The following CEP152 variants were observed in gnomAD, a reference collection of about 807,000 sequenced individuals.
CEP152 encodes the protein centrosomal protein of 152 kDa.
In CEP152, 132 loss-of-function variants were observed where a neutral mutation model predicts 188.9. The ratio of observed to expected loss-of-function variants is 0.70; its 90% CI spans 0.61 to 0.81. The LOEUF is 0.81. Among genes scored for constraint, CEP152 ranks in the 30% least tolerant of loss-of-function variants. The probability of loss-of-function intolerance (pLI) is 0.00; values close to 1 mark genes in which losing one functional copy is unlikely to be tolerated. For synonymous variants in CEP152, 649 were observed against 666.6 expected (o/e 0.97, Z 0.41); for missense variants, 1,914 against 1,969.8 (o/e 0.97, Z 0.54).
At chr15:48,790,863 C>T (rs762309742) in intron 8 of CEP152, among the ~76,000 whole-genome samples, 27 of 152,140 alleles carry the variant, frequency 1.8e-4, no homozygotes, top group Non-Finnish European at 3.2e-4. Context: ...CCACTGCATC[C>T]GGCCATCACT....
At chr15:48,790,733 A>C (rs140245081) in intron 8 of CEP152, among the ~76,000 whole-genome samples, 2,791 of 152,242 alleles carry the variant, frequency 0.018, 35 homozygotes, top group Admixed American at 0.033. Flanking sequence ...CGCCCAGCTA[A>C]TTTTTGTACT....
rs1334610174 is a variant in CEP152, at chr15:48,739,010, T to C, written c.4372A>G (p.Arg1458Gly). The change falls in exon 27 of 27, where the codon AGG becomes GGG. Residue 1458 changes from arginine to glycine, a missense_variant. Coordinates refer to ENST00000380950, the MANE Select transcript of CEP152 (RefSeq NM_001194998.2). ...GSCKHLNSLP[R>G]NVSPEFVPCE... is the part of the protein sequence containing the mutation. Reference sequence around the variant, plus strand: ...GGAACAAACTCAGGAGAAACATTCCTTGGCAAACTGTTTAGGTGCTTGCAA... The same window carrying C: ...GGAACAAACTCAGGAGAAACATTCCCTGGCAAACTGTTTAGGTGCTTGCAA... The C allele has an allele frequency of 6.2e-7, 1 of 1,614,034 alleles. No individual in the cohort carries two copies.
chr15:48,730,092 G>A (rs1348088056), intron 2 of CEP152, among the ~76,000 whole-genome samples: 2 of 152,072 alleles, frequency 1.3e-5, no homozygotes, highest in Non-Finnish European at 2.9e-5. Context: ...CCAAAATTGA[G>A]AAGCTGCTGA....
intron 6 of CEP152, among the ~76,000 whole-genome samples, chr15:48,793,803 A>C (rs1897132860): frequency 6.6e-6 from 1 of 152,222 alleles, no homozygotes; most frequent in Non-Finnish European, 1.5e-5. Context: ...CTGAATCACT[A>C]ACTACCATTT....
chr15:48,784,452 C>T (rs924019743), intron 9 of CEP152, among the ~76,000 whole-genome samples: 5 of 152,140 alleles, frequency 3.3e-5, no homozygotes, highest in African/African-American at 9.7e-5. Flanking sequence ...CATTCCTATG[C>T]GTATTTTATA....
intron 26 of CEP152, chr15:48,740,847 A>G (rs1892913574): frequency 5.8e-6 from 1 of 173,416 alleles, no homozygotes; most frequent in Non-Finnish European, 1.1e-5. Flanking sequence ...TGCCCAGCTC[A>G]ATATTGAGGT....
At chr15:48,782,310 A>C in intron 10 of CEP152, 80 bp from the exon 11 acceptor site, 1 of 1,192,436 alleles carries the variant, frequency 8.4e-7, no homozygotes, top group Non-Finnish European at 1.2e-6. Context: ...ACTTGAATCC[A>C]CTGAGGCTAC....
chr15:48,782,838 A>G (rs993570446), intron 10 of CEP152, among the ~76,000 whole-genome samples: 3 of 152,224 alleles, frequency 2.0e-5, no homozygotes, highest in African/African-American at 7.2e-5. Flanking sequence ...ATGATGGCAT[A>G]AAGAAAATAA....
At chr15:48,788,365 G>T (rs1020376049) in intron 9 of CEP152, among the ~76,000 whole-genome samples, 2 of 122,868 alleles carry the variant, frequency 1.6e-5, no homozygotes, top group Non-Finnish European at 3.1e-5. Context: ...ACGGAGTCTC[G>T]CTCTGTCGCC....
intron 11 of CEP152, 52 bp from the exon 12 acceptor site, chr15:48,781,411 A>C: frequency 6.9e-7 from 1 of 1,452,072 alleles, no homozygotes; most frequent in Non-Finnish European, 9.6e-7. Context: ...TATATGAAGT[A>C]ATCAGTCATT....
chr15:48,771,394 C>G (rs1895524551), intron 13 of CEP152, among the ~76,000 whole-genome samples: 1 of 152,168 alleles, frequency 6.6e-6, no homozygotes, highest in South Asian at 2.1e-4. Context: ...TATATAATAT[C>G]TGTACCATCA....
Position 48,791,279 on chromosome 15 carries a change from T to A in CEP152, c.930A>T (p.Ala310=), listed in dbSNP as rs779255588. 2.0e-5 allele frequency: 33 copies of A among 1,612,924 alleles called. No individual in the cohort carries two copies. In the East Asian group the frequency reaches 7.4e-4, roughly 36 times the overall value. ...REIQLEAQIK[A]LETQIQALKV... Reference sequence around the variant, plus strand: ...TTAATGCTTGTATCTGAGTCTCCAGTGCTTTTATTTGAGCTTCAAGCTGTA... The same window carrying A: ...TTAATGCTTGTATCTGAGTCTCCAGAGCTTTTATTTGAGCTTCAAGCTGTA... The change falls in exon 8 of 27, where the codon GCA becomes GCT. Residue 310 remains alanine (A), a synonymous_variant. Transcript: ENST00000380950.
chr15:48,784,085 T>C lies in CEP152; in HGVS notation c.1209A>G (p.Lys403=). The part of the protein sequence containing the change: ...DICSRLKDHV[K]QLERNQEAIK... Reference sequence around the variant, plus strand: ...TTGCTTCTTGATTCCTTTCCAGTTGTTTCACGTGATCTTTCAGACGAGAGC... The same window carrying C: ...TTGCTTCTTGATTCCTTTCCAGTTGCTTCACGTGATCTTTCAGACGAGAGC... Residue 403 remains lysine (K), a synonymous_variant, in exon 10 of 27, where the codon AAA becomes AAG. Transcript: ENST00000380950. The C allele has an allele frequency of 6.2e-7, 1 of 1,613,802 alleles. No homozygotes were observed.
rs779912765 is a variant in CEP152 at position 48,782,229 on chromosome 15, C to G, written c.1323G>C (p.Gly441=). Residue 441 remains glycine (G), a splice_region_variant and synonymous_variant, in exon 11 of 27, where the codon GGG becomes GGC. Coordinates refer to ENST00000380950, the MANE Select transcript of CEP152 (RefSeq NM_001194998.2). The stretch of plus-strand genomic sequence containing the variant: ...GTAGCTGAGCCACCTCTTGTACTGA[C>G]CCTGCAGAGGAAAGAACCATAGGAT... ...QKQCAHLLQS[G]SVQEVAQLQF... 3.7e-6 allele frequency: 6 copies of G among 1,613,502 alleles called. No homozygotes were observed. The highest frequency in any genetic ancestry group is 3.4e-6 in the Non-Finnish European group (4 of 1,179,702).
At chr15:48,787,573 A>T (rs1896746465) in intron 9 of CEP152, among the ~76,000 whole-genome samples, 2 of 152,136 alleles carry the variant, frequency 1.3e-5, no homozygotes, top group Non-Finnish European at 2.9e-5. Flanking sequence ...AAACACACAT[A>T]AATACATGTA....
chr15:48,792,911 G>A (rs1257300113), intron 7 of CEP152, among the ~76,000 whole-genome samples: 2 of 151,914 alleles, frequency 1.3e-5, no homozygotes, highest in African/African-American at 2.4e-5. Flanking sequence ...CCGCCTGCAG[G>A]TTCAGGTGAT....
At chr15:48,755,496 A>C (rs1198467419) in intron 20 of CEP152, among the ~76,000 whole-genome samples, 1 of 152,176 alleles carries the variant, frequency 6.6e-6, no homozygotes, top group African/African-American at 2.4e-5. Context: ...CTTAGAAAGA[A>C]CAGCATATAT....
chr15:48,756,728 G>C (rs558363323), intron 19 of CEP152, among the ~76,000 whole-genome samples, 175 bp from the exon 20 acceptor site: 27 of 151,760 alleles, frequency 1.8e-4, no homozygotes, highest in African/African-American at 6.3e-4. Context: ...CACTAAAATT[G>C]GTCAAAATAT....
chr15:48,771,731 T>C (rs1032278057), intron 13 of CEP152, among the ~76,000 whole-genome samples: 1 of 152,202 alleles, frequency 6.6e-6, no homozygotes, highest in African/African-American at 2.4e-5. Context: ...TATCATTAAG[T>C]CAAAAATGCA....
Sources: gnomAD v4.1 joint callset for allele counts (sites outside exome capture counted in the v4.1 genomes callset) on GRCh38, gnomAD v4.1.1 for gene constraint, MANE v1.5 for transcripts, NCBI Gene and HGNC (gene_info 2026-07-23, HGNC 2026-07-21) for gene names.